Variants in IQCM observed in about 807,000 individuals in gnomAD.
IQCM encodes IQ motif containing M, also known as IQ domain-containing protein M.
IQCM carries 45 observed loss-of-function variants against 57.6 expected under a neutral mutation model. The ratio of observed to expected loss-of-function variants is 0.78; its 90% CI spans 0.62 to 1.00. The LOEUF (loss-of-function observed/expected upper bound fraction) is 1.00, where lower values mean the gene tolerates loss of function less well. Among genes scored for constraint, IQCM ranks in the 50% least tolerant of loss-of-function variants. IQCM has a pLI of 0.00. For missense variants in IQCM, 468 were observed against 511.6 expected, an observed-to-expected ratio of 0.91 and a Z score of 0.82; for synonymous variants, 148 against 158.9, an observed-to-expected ratio of 0.93 and a Z score of 0.51.
At chr4:149,775,077 A>G (rs1223757476) in intron 2 of IQCM, among the ~76,000 whole-genome samples, 1 of 148,804 alleles carries the variant, frequency 6.7e-6, no homozygotes, top group Non-Finnish European at 1.5e-5. Flanking sequence ...AAGTTACTTT[A>G]GACAATGCAG....
At chr4:149,672,274 C>T (rs1392200135) in intron 7 of IQCM, among the ~76,000 whole-genome samples, 3 of 152,168 alleles carry the variant, frequency 2.0e-5, no homozygotes, top group Admixed American at 1.3e-4. Flanking sequence ...CAGAGAATGA[C>T]TTTGACAGGT....
At chr4:149,783,653 T>C (rs1771816698) in intron 2 of IQCM, among the ~76,000 whole-genome samples, 1 of 152,212 alleles carries the variant, frequency 6.6e-6, no homozygotes, top group Admixed American at 6.5e-5. Flanking sequence ...TATGACTTGC[T>C]TATAACCAAT....
intron 2 of IQCM, among the ~76,000 whole-genome samples, chr4:149,797,997 T>G (rs1260457598): frequency 6.6e-6 from 1 of 150,768 alleles, no homozygotes; most frequent in African/African-American, 2.4e-5. Context: ...CATCTAAAGG[T>G]ACAAAACTCA....
intron 12 of IQCM, among the ~76,000 whole-genome samples, chr4:149,494,801 G>C (rs921173364): frequency 6.6e-6 from 1 of 152,156 alleles, no homozygotes; most frequent in East Asian, 1.9e-4. Flanking sequence ...AGAATAAGGG[G>C]AACATATATT....
chr4:149,695,207 C>T (rs1763250203), intron 5 of IQCM, among the ~76,000 whole-genome samples: 2 of 152,086 alleles, frequency 1.3e-5, no homozygotes, highest in Admixed American at 1.3e-4. Flanking sequence ...TGCATCCATC[C>T]ATTTATTCAA....
chr4:149,440,667 A>G (rs577859926), intron 12 of IQCM, among the ~76,000 whole-genome samples: 9 of 152,264 alleles, frequency 5.9e-5, no homozygotes, highest in Admixed American at 2.0e-4. Flanking sequence ...ATACCACGCT[A>G]TTTCAGTAAA....
intron 5 of IQCM, among the ~76,000 whole-genome samples, chr4:149,693,010 A>C (rs1419424913): frequency 6.6e-6 from 1 of 152,192 alleles, no homozygotes; most frequent in Non-Finnish European, 1.5e-5. Flanking sequence ...TGACAGGCAA[A>C]AAAGAAAAAC....
At chr4:149,475,476 G>C (rs1477097087) in intron 12 of IQCM, among the ~76,000 whole-genome samples, 1 of 152,126 alleles carries the variant, frequency 6.6e-6, no homozygotes, top group Non-Finnish European at 1.5e-5. Context: ...CTGGTGTTGA[G>C]AGACTCTGGG....
intron 12 of IQCM, among the ~76,000 whole-genome samples, chr4:149,490,845 C>T (rs1022537868): frequency 6.6e-6 from 1 of 152,100 alleles, no homozygotes; most frequent in African/African-American, 2.4e-5. Flanking sequence ...TAATCACAAT[C>T]GCCCGTGACC....
intron 9 of IQCM, among the ~76,000 whole-genome samples, chr4:149,585,450 T>C (rs1752566727): frequency 6.6e-6 from 1 of 151,722 alleles, no homozygotes. Context: ...TTGATTTACT[T>C]AAATATTTTC....
At chr4:149,788,475 C>A (rs2150024318) in intron 2 of IQCM, among the ~76,000 whole-genome samples, 1 of 152,244 alleles carries the variant, frequency 6.6e-6, no homozygotes, top group African/African-American at 2.4e-5. Flanking sequence ...ACGGCTACTG[C>A]ATAAAAAGAC....
chr4:149,738,096 T>C lies in IQCM; in HGVS notation c.38-2638A>G, dbSNP rs564124638. 1.4e-3 allele frequency among the ~76,000 whole-genome samples: 207 copies of C among 152,308 alleles called. 3 individuals carry two copies. The highest frequency in any genetic ancestry group is 7.6e-4 in the Non-Finnish European group (52 of 68,024). ...TTAGAGATGTTCTAGTCTTCATTTA[T>C]AGGCAAATTCTGAGAAGCAGAGACC... On this transcript the variant is annotated intron_variant, in intron 3 of 13. Transcript: ENST00000636793.
chr4:149,709,562 C>T (rs899671251), intron 5 of IQCM, among the ~76,000 whole-genome samples: 3 of 152,082 alleles, frequency 2.0e-5, no homozygotes, highest in South Asian at 2.1e-4. Flanking sequence ...TTTTTATCAT[C>T]AGCACTTAAC....
rs1758120910 is a variant in IQCM, at chr4:149,640,857, G to A, written c.566-19613C>T. Among the ~76,000 whole-genome samples the A allele has an allele frequency of 2.0e-5, 3 of 152,154 alleles. No individual in the cohort carries two copies. In the South Asian group the frequency reaches 6.2e-4, roughly 32 times the overall value. On this transcript the variant is annotated intron_variant, in intron 7 of 13. Transcript: ENST00000636793. ...AATGTCCACCTTTCAGCCAGGCGCA[G>A]TGGCTCACATCTATATAATCCCAGC...
intron 2 of IQCM, among the ~76,000 whole-genome samples, chr4:149,761,630 C>A (rs1359441595): frequency 6.6e-6 from 1 of 151,880 alleles, no homozygotes; most frequent in African/African-American, 2.4e-5. Context: ...ATGTTATATC[C>A]CCCACTATAC....
intron 12 of IQCM, among the ~76,000 whole-genome samples, chr4:149,470,683 A>G (rs569262049): frequency 1.3e-5 from 2 of 152,158 alleles, no homozygotes; most frequent in African/African-American, 4.8e-5. Context: ...CTTCTCAGCA[A>G]TACATCACAC....
chr4:149,726,115 GA>G (rs1182893835), intron 5 of IQCM, among the ~76,000 whole-genome samples: 13 of 147,408 alleles, frequency 8.8e-5, no homozygotes, highest in Non-Finnish European at 1.5e-4. Context: ...AAGAAAGAAA[GA>G]AAGAAAGAAA....
At chr4:149,756,740 G>A (rs1466936415) in intron 2 of IQCM, among the ~76,000 whole-genome samples, 1 of 152,132 alleles carries the variant, frequency 6.6e-6, no homozygotes, top group Non-Finnish European at 1.5e-5. Flanking sequence ...CAAGAAGGGG[G>A]AAAGAAGGCA....
At chr4:149,390,252 T>A (rs1333953620) in intron 13 of IQCM, among the ~76,000 whole-genome samples, 1 of 152,046 alleles carries the variant, frequency 6.6e-6, no homozygotes, top group East Asian at 1.9e-4. Context: ...ATTTTGTTGT[T>A]TAATTACTAA....
Sources: gnomAD v4.1 joint callset for allele counts (sites outside exome capture counted in the v4.1 genomes callset) on GRCh38, gnomAD v4.1.1 for gene constraint, MANE v1.5 for transcripts, NCBI Gene and HGNC (gene_info 2026-07-23, HGNC 2026-07-21) for gene names.